The following CRACDL variants were observed in gnomAD, a reference collection of about 807,000 sequenced individuals.
The protein encoded by CRACDL is CRACD like.
A neutral mutation model predicts 70.6 loss-of-function variants in CRACDL; 26 were observed. The observed-to-expected ratio is 0.37, with a 90% CI of 0.27 to 0.51. The LOEUF is 0.51. Ranked by LOEUF, CRACDL falls within the 20% of genes least tolerant of loss-of-function variation. The pLI is 0.94. For missense variants in CRACDL, 1,283 were observed against 1,376.9 expected (o/e 0.93, Z 1.08); for synonymous variants, 618 against 615.2 (o/e 1.00, Z -0.07).
At chr2:98,869,241 A>G in intron 1 of CRACDL, 1 of 1,287,364 alleles carries the variant, frequency 7.8e-7, no homozygotes, top group Middle Eastern at 2.2e-4. Context: ...TTGCTGATCA[A>G]GAGCCCTTGT....
intron 1 of CRACDL, among the ~76,000 whole-genome samples, chr2:98,920,337 C>T (rs1374494075): frequency 1.3e-5 from 2 of 152,160 alleles, no homozygotes; most frequent in Non-Finnish European, 2.9e-5. Context: ...GTCACATCTA[C>T]TGACCTTCTT....
chr2:98,797,136 T>C (rs1703856849), intron 8 of CRACDL, among the ~76,000 whole-genome samples: 1 of 152,232 alleles, frequency 6.6e-6, no homozygotes, highest in South Asian at 2.1e-4. Flanking sequence ...GCTCAGCATA[T>C]GCAAAGGCAG....
intron 5 of CRACDL, among the ~76,000 whole-genome samples, chr2:98,831,893 C>T (rs111889501): frequency 4.6e-5 from 7 of 152,264 alleles, no homozygotes; most frequent in African/African-American, 1.4e-4. Flanking sequence ...ATTACTACCC[C>T]TAGGCCAACA....
At chr2:98,906,715 GT>G (rs1246319095) in intron 1 of CRACDL, among the ~76,000 whole-genome samples, 1 of 152,058 alleles carries the variant, frequency 6.6e-6, no homozygotes. Context: ...TTTTCTCTTT[GT>G]TATTAGTCTC....
At chr2:98,883,278 C>A (rs1257330125) in intron 1 of CRACDL, among the ~76,000 whole-genome samples, 2 of 152,180 alleles carry the variant, frequency 1.3e-5, no homozygotes, top group African/African-American at 4.8e-5. Context: ...TCCATGCCAA[C>A]CCAGGGTGAC....
chr2:98,816,114 C>T (rs749289597), intron 7 of CRACDL, among the ~76,000 whole-genome samples: 2 of 152,122 alleles, frequency 1.3e-5, no homozygotes, highest in African/African-American at 4.8e-5. Flanking sequence ...GTTGTTGATA[C>T]CACCAGTGGC....
chr2:98,827,725 G>A (rs149237306), intron 5 of CRACDL, among the ~76,000 whole-genome samples: 183 of 152,336 alleles, frequency 1.2e-3, no homozygotes, highest in African/African-American at 4.3e-3. Flanking sequence ...GAGAACCTGT[G>A]TCTCAGGCTC....
At chr2:98,882,057 A>T (rs1707667678) in intron 1 of CRACDL, among the ~76,000 whole-genome samples, 1 of 152,246 alleles carries the variant, frequency 6.6e-6, no homozygotes, top group Non-Finnish European at 1.5e-5. Flanking sequence ...TCCACGTCCC[A>T]TACGACAGTC....
chr2:98,861,328 C>G (rs1706927123), intron 1 of CRACDL, among the ~76,000 whole-genome samples: 1 of 152,116 alleles, frequency 6.6e-6, no homozygotes, highest in African/African-American at 2.4e-5. Flanking sequence ...GCGTGGGTGA[C>G]AGAGCAGGTC....
At chr2:98,827,226 A>T (rs1457785945) in intron 5 of CRACDL, 57 bp from the exon 6 acceptor site, 2 of 1,238,922 alleles carry the variant, frequency 1.6e-6, no homozygotes, top group Non-Finnish European at 2.4e-6. Flanking sequence ...TGAAATAAGG[A>T]CGACCAACGC....
At chr2:98,827,492 A>G (rs977430841) in intron 5 of CRACDL, among the ~76,000 whole-genome samples, 3 of 152,116 alleles carry the variant, frequency 2.0e-5, no homozygotes, top group East Asian at 3.9e-4. Flanking sequence ...GGGTTTCACC[A>G]TGTTGGCCAG....
intron 1 of CRACDL, among the ~76,000 whole-genome samples, chr2:98,934,935 C>T (rs189734899): frequency 2.6e-5 from 4 of 152,192 alleles, no homozygotes; most frequent in Non-Finnish European, 4.4e-5. Flanking sequence ...CCAGCTCAAC[C>T]TTCTCCACCA....
intron 1 of CRACDL, among the ~76,000 whole-genome samples, chr2:98,852,913 C>T (rs921459521): frequency 7.3e-6 from 1 of 137,518 alleles, no homozygotes; most frequent in Non-Finnish European, 1.5e-5. Context: ...TGTGAAGAAG[C>T]AGGAGAGAGA....
At chr2:98,883,617 G>A (rs62156505) in intron 1 of CRACDL, among the ~76,000 whole-genome samples, 3 of 152,082 alleles carry the variant, frequency 2.0e-5, no homozygotes, top group Admixed American at 1.3e-4. Context: ...GGAAGAGCGT[G>A]TTTGTATAAA....
intron 1 of CRACDL, among the ~76,000 whole-genome samples, chr2:98,880,704 G>T (rs1707625394): frequency 6.6e-6 from 1 of 152,178 alleles, no homozygotes; most frequent in South Asian, 2.1e-4. Context: ...TCCCACACCT[G>T]CATCTAGTTG....
chr2:98,795,803 T>G (rs764966979), intron 9 of CRACDL, among the ~76,000 whole-genome samples: 6 of 152,174 alleles, frequency 3.9e-5, no homozygotes, highest in Non-Finnish European at 8.8e-5. Context: ...AAGACGGCCC[T>G]CTGTTTTCTC....
chr2:98,835,044 G>A (rs935245777), intron 3 of CRACDL, among the ~76,000 whole-genome samples: 2 of 152,164 alleles, frequency 1.3e-5, no homozygotes, highest in African/African-American at 4.8e-5. Flanking sequence ...ATAGGGAAGG[G>A]ATAAGGAAAT....
At chr2:98,839,450 G>A (rs1259909289) in intron 2 of CRACDL, among the ~76,000 whole-genome samples, 2 of 152,202 alleles carry the variant, frequency 1.3e-5, no homozygotes, top group Non-Finnish European at 2.9e-5. Context: ...TCTGCATTTG[G>A]TCAGGACACC....
chr2:98,817,363 T>C (rs1488930428), intron 7 of CRACDL, among the ~76,000 whole-genome samples: 1 of 152,162 alleles, frequency 6.6e-6, no homozygotes. Flanking sequence ...TATGTGTTCA[T>C]ATCACAATAA....
Sources: allele counts gnomAD v4.1 joint callset (sites outside exome capture counted in the v4.1 genomes callset), GRCh38; gene constraint gnomAD v4.1.1; transcripts MANE v1.5; gene names NCBI Gene and HGNC (gene_info 2026-07-23, HGNC 2026-07-21).